SLC12A8: variants seen among roughly 807,000 people sequenced by gnomAD.
The protein encoded by SLC12A8 is solute carrier family 12 member 8, also known as cation-chloride cotransporter 9.
A neutral mutation model predicts 75.6 loss-of-function variants in SLC12A8; 69 were observed. The observed-to-expected ratio is 0.91, with a 90% CI of 0.75 to 1.11. The LOEUF (loss-of-function observed/expected upper bound fraction) is 1.11. Among genes scored for constraint, SLC12A8 ranks in the 50% most tolerant of loss-of-function variants. The probability of loss-of-function intolerance (pLI) is 0.00; values close to 1 mark genes in which losing one functional copy is unlikely to be tolerated. For missense variants in SLC12A8, 877 were observed against 896.7 expected (o/e 0.98, Z 0.28); for synonymous variants, 365 against 372.8 (o/e 0.98, Z 0.24).
chr3:125,139,305 T>C (rs758825138), intron 5 of SLC12A8, among the ~76,000 whole-genome samples: 5 of 152,154 alleles, frequency 3.3e-5, no homozygotes, highest in South Asian at 4.1e-4. Context: ...TGAGGCCTTA[T>C]TCAGAGAGAA....
Position 125,117,432 on chromosome 3 carries a change from G to GAA in SLC12A8, c.912+1335_912+1336dup, listed in dbSNP as rs11298782. ...CGAAACCCCGTCTCTACAAAAAATTGAAAAAAAAAAAAAAATAGCTGGGTG... is the reference window on the plus strand; with the variant it reads ...CGAAACCCCGTCTCTACAAAAAATTGAAAAAAAAAAAAAAAAATAGCTGGGTG... On this transcript the variant is annotated intron_variant, in intron 8 of 13. Transcript: ENST00000469902. 7.1e-3 allele frequency among the ~76,000 whole-genome samples: 965 copies of GAA among 136,406 alleles called. 9 individuals are homozygous for GAA. Among genetic ancestry groups the GAA allele is most frequent in the African/African-American group, 0.017 (600 of 36,254 alleles). The allele number at this position is 136,406 out of a possible 152,430, so 89.5% of individuals were successfully genotyped here. A position where few individuals can be genotyped will look rare whatever the true frequency, so the allele number is the denominator to read the frequency against.
chr3:125,138,699 T>C (rs1246447165), intron 5 of SLC12A8, among the ~76,000 whole-genome samples: 1 of 152,198 alleles, frequency 6.6e-6, no homozygotes, highest in African/African-American at 2.4e-5. Flanking sequence ...TTTTTATTTC[T>C]ACAAAACATC....
chr3:125,205,925 T>G (rs1354847003), intron 2 of SLC12A8, among the ~76,000 whole-genome samples: 1 of 152,180 alleles, frequency 6.6e-6, no homozygotes, highest in Non-Finnish European at 1.5e-5. Flanking sequence ...CCCAACCATT[T>G]GGGCCCCAGT....
intron 3 of SLC12A8, among the ~76,000 whole-genome samples, chr3:125,189,957 G>A (rs138886981): frequency 6.2e-4 from 95 of 152,268 alleles, no homozygotes; most frequent in African/African-American, 2.2e-3. Context: ...GCATCCCCAT[G>A]CACAGTCTTA....
rs138819648 is a variant in SLC12A8, at chr3:125,157,140, GA to G, written c.622+20602del. On this transcript the variant is annotated intron_variant, in intron 5 of 13. Transcript: ENST00000469902. ...ATTATGCTTTAAAACGAAAAAGGAT[GA>G]AAAAAAGGCTATAAGGAAATAGCTT... Among the ~76,000 whole-genome samples, 1,310 of 151,280 alleles carry G rather than the reference GA, an allele frequency of 8.7e-3. 20 individuals carry two copies. Among genetic ancestry groups the G allele is most frequent in the African/African-American group, 0.03 (1,219 of 41,268 alleles).
chr3:125,209,233 G>A (rs554558258), intron 2 of SLC12A8, among the ~76,000 whole-genome samples: 1 of 152,290 alleles, frequency 6.6e-6, no homozygotes, highest in Middle Eastern at 3.4e-3. Flanking sequence ...ATACCATTTG[G>A]AGCAGGAGGC....
At chr3:125,186,782 C>T (rs1934793467) in intron 4 of SLC12A8, among the ~76,000 whole-genome samples, 1 of 152,264 alleles carries the variant, frequency 6.6e-6, no homozygotes, top group Non-Finnish European at 1.5e-5. Flanking sequence ...GCCACCCGAG[C>T]TATCAAATGC....
At chr3:125,153,105 C>T (rs1933970280) in intron 5 of SLC12A8, among the ~76,000 whole-genome samples, 2 of 152,154 alleles carry the variant, frequency 1.3e-5, no homozygotes, top group Admixed American at 1.3e-4. Context: ...TCACAAGCTG[C>T]GCAGATTACG....
chr3:125,120,503 C>T (rs1471637652), intron 7 of SLC12A8, 96 bp downstream of exon 7: 2 of 863,056 alleles, frequency 2.3e-6, no homozygotes, highest in Non-Finnish European at 3.8e-6. Context: ...TGGTCACAGT[C>T]GGGGCACTCT....
In SLC12A8 at chr3:125,083,634, A is replaced by G; in HGVS notation, c.*256T>C. The stretch of plus-strand genomic sequence containing the variant: ...CTACTCAGGAGGCTGAGGCAGGAGA[A>G]TTGCTTGAACTCGGGAAGCAGAGGT... On this transcript the variant is annotated 3_prime_UTR_variant, in exon 14 of 14. Coordinates refer to ENST00000469902, the MANE Select transcript of SLC12A8 (RefSeq NM_024628.6). The G allele has an allele frequency of 2.8e-6, 1 of 354,982 alleles. No individual in the cohort carries two copies. The highest frequency in any genetic ancestry group is 5.7e-5 in the East Asian group (1 of 17,598). The allele number at this position is 354,982 out of a possible 1,614,324, so 22.0% of individuals were successfully genotyped here.
At chr3:125,120,024 C>A in intron 7 of SLC12A8, 1 of 391,226 alleles carries the variant, frequency 2.6e-6, no homozygotes, top group Non-Finnish European at 5.1e-6. Context: ...GGAGGGGAGG[C>A]TCACTGGGGG....
chr3:125,099,265 C>T (rs1938799725), intron 10 of SLC12A8, among the ~76,000 whole-genome samples: 1 of 152,206 alleles, frequency 6.6e-6, no homozygotes, highest in Non-Finnish European at 1.5e-5. Context: ...AGCAGCCACA[C>T]ACCACGGGGG....
chr3:125,120,629 G>T lies in SLC12A8; in HGVS notation c.794C>A (p.Pro265His). The T allele has an allele frequency of 1.9e-6, 3 of 1,613,828 alleles. No homozygotes were observed. The highest frequency in any genetic ancestry group is 2.5e-6 in the Non-Finnish European group (3 of 1,179,942). The change falls in exon 7 of 14, where the codon CCC becomes CAC. Residue 265 changes from proline (P) to histidine (H), a missense_variant. Pro to His is a moderately conservative substitution (Grantham distance 77, BLOSUM62 -2). Transcript: ENST00000469902. ...GCCAACAGCTGCCAGGGAGCCCAGGGGAATGCTGGCGGCAGGCTCCCTGAG... is the reference window on the plus strand; with the variant it reads ...GCCAACAGCTGCCAGGGAGCCCAGGTGAATGCTGGCGGCAGGCTCCCTGAG... Reference protein sequence around the residue: ...GDLREPAASIPLGSLAAVGIS... With the variant: ...GDLREPAASIHLGSLAAVGIS...
chr3:125,088,201 C>A (rs1938507430), intron 13 of SLC12A8, 109 bp downstream of exon 13: 1 of 1,072,414 alleles, frequency 9.3e-7, no homozygotes, highest in Admixed American at 2.0e-5. Flanking sequence ...TTGTTAGGTT[C>A]CCATGCCACA....
chr3:125,145,111 G>A (rs1279079979), intron 5 of SLC12A8, among the ~76,000 whole-genome samples: 1 of 152,212 alleles, frequency 6.6e-6, no homozygotes, highest in East Asian at 1.9e-4. Flanking sequence ...CCATTTTACA[G>A]ATGGGAAAGC....
intron 5 of SLC12A8, among the ~76,000 whole-genome samples, chr3:125,169,329 T>C (rs1934357186): frequency 1.3e-5 from 2 of 152,272 alleles, no homozygotes; most frequent in South Asian, 4.1e-4. Context: ...GAGAGCCTTG[T>C]GCAGTGATGC....
intron 3 of SLC12A8, among the ~76,000 whole-genome samples, chr3:125,190,011 G>T (rs559339851): frequency 6.6e-6 from 1 of 152,082 alleles, no homozygotes; most frequent in African/African-American, 2.4e-5. Flanking sequence ...CCATGTGGGC[G>T]GGCCCAAGAT....
chr3:125,129,523 T>A (rs1933301445), intron 6 of SLC12A8, among the ~76,000 whole-genome samples: 1 of 151,754 alleles, frequency 6.6e-6, no homozygotes, highest in Non-Finnish European at 1.5e-5. Flanking sequence ...CCAGACCGAA[T>A]CTCCAGCCGC....
chr3:125,154,109 G>A (rs1933995277), intron 5 of SLC12A8, among the ~76,000 whole-genome samples: 1 of 152,180 alleles, frequency 6.6e-6, no homozygotes, highest in East Asian at 1.9e-4. Context: ...AGATATTGGG[G>A]TGCTGGCCTA....
Sources: allele counts gnomAD v4.1 joint callset (sites outside exome capture counted in the v4.1 genomes callset), GRCh38; gene constraint gnomAD v4.1.1; transcripts MANE v1.5; gene names NCBI Gene and HGNC (gene_info 2026-07-23, HGNC 2026-07-21).